The following SRRM4 variants were observed in gnomAD, a reference collection of about 807,000 sequenced individuals.
The protein encoded by SRRM4 is serine/arginine repetitive matrix protein 4.
A neutral mutation model predicts 68.9 loss-of-function variants in SRRM4; 33 were observed. The observed-to-expected ratio is 0.48, with a 90% CI of 0.36 to 0.64. SRRM4 has a LOEUF of 0.64. Among genes scored for constraint, SRRM4 ranks in the 30% least tolerant of loss-of-function variants. SRRM4 has a pLI of 0.00. For missense variants in SRRM4, 817 were observed against 827.1 expected (o/e 0.99, Z 0.15); for synonymous variants, 318 against 318.8 (o/e 1.00, Z 0.03).
chr12:119,067,475 G>A (rs1186033647), intron 1 of SRRM4, among the ~76,000 whole-genome samples: 1 of 152,186 alleles, frequency 6.6e-6, no homozygotes, highest in East Asian at 1.9e-4. Flanking sequence ...GGGAGGCCAA[G>A]GCGGGCAGAT....
intron 1 of SRRM4, among the ~76,000 whole-genome samples, chr12:119,025,019 A>G (rs1484192434): frequency 6.6e-6 from 1 of 152,176 alleles, no homozygotes; most frequent in East Asian, 1.9e-4. Context: ...CACTCAAGTC[A>G]GAAATTGCAG....
intron 5 of SRRM4, among the ~76,000 whole-genome samples, chr12:119,121,623 C>T (rs908555137): frequency 2.6e-5 from 4 of 152,218 alleles, no homozygotes; most frequent in African/African-American, 9.6e-5. Flanking sequence ...CCTAGCTCAC[C>T]TGCGCAATCC....
chr12:118,981,851 G>GC lies in SRRM4; in HGVS notation c.-28dup, dbSNP rs1953249174. On this transcript the variant is annotated 5_prime_UTR_variant, in exon 1 of 13. Coordinates refer to ENST00000267260, the MANE Select transcript of SRRM4 (RefSeq NM_194286.4). The stretch of plus-strand genomic sequence containing the variant: ...TCCACGTTTCAGCACTTTGGACAGC[G>GC]CCCCGGACGCCCCGGCCCCTTTGGG... 8.1e-6 allele frequency: 13 copies of GC among 1,604,770 alleles called. No individual in the cohort carries two copies. The highest frequency in any genetic ancestry group is 1.1e-5 in the Non-Finnish European group (13 of 1,175,432).
chr12:119,107,581 T>C (rs532143240), intron 2 of SRRM4, among the ~76,000 whole-genome samples: 1 of 152,340 alleles, frequency 6.6e-6, no homozygotes, highest in East Asian at 1.9e-4. Context: ...TATCCATTTC[T>C]TCTAGATTTT....
At chr12:119,093,615 G>C (rs980872991) in intron 1 of SRRM4, among the ~76,000 whole-genome samples, 1 of 152,146 alleles carries the variant, frequency 6.6e-6, no homozygotes, top group Non-Finnish European at 1.5e-5. Context: ...GGGGACCCTG[G>C]GCTGGAAGGA....
At chr12:119,116,677 A>G (rs1954181972) in intron 3 of SRRM4, among the ~76,000 whole-genome samples, 1 of 152,216 alleles carries the variant, frequency 6.6e-6, no homozygotes, top group African/African-American at 2.4e-5. Context: ...GAAAGGATTG[A>G]ATGAGATAAT....
chr12:119,160,664 C>T lies in SRRM4; in HGVS notation c.*3866C>T, dbSNP rs1008464218. The T allele has an allele frequency of 1.3e-5, 2 of 152,184 alleles. No homozygotes were observed. Among genetic ancestry groups the T allele is most frequent in the African/African-American group, 2.4e-5 (1 of 41,440 alleles). The allele number at this position is 152,184 out of a possible 1,614,324, so 9.4% of individuals were successfully genotyped here. On this transcript the variant is annotated 3_prime_UTR_variant, in exon 13 of 13. Coordinates refer to ENST00000267260, the MANE Select transcript of SRRM4 (RefSeq NM_194286.4). ...TGCTCCCTTTCCCTAGGGCAAAGTTCGACCTCTGTTAAGTGGAGGGATTTG... is the reference window on the plus strand; with the variant it reads ...TGCTCCCTTTCCCTAGGGCAAAGTTTGACCTCTGTTAAGTGGAGGGATTTG...
chr12:119,150,706 T>C (rs1019031955), intron 9 of SRRM4, among the ~76,000 whole-genome samples: 2 of 152,196 alleles, frequency 1.3e-5, no homozygotes, highest in Admixed American at 6.5e-5. Flanking sequence ...TTTCTCACCA[T>C]GTAATCTGAT....
intron 5 of SRRM4, among the ~76,000 whole-genome samples, chr12:119,121,408 T>G (rs1954218706): frequency 6.6e-6 from 1 of 152,236 alleles, no homozygotes; most frequent in African/African-American, 2.4e-5. Context: ...TTATCCATTG[T>G]ACTCAGACCC....
At chr12:119,065,989 C>A (rs1407661528) in intron 1 of SRRM4, among the ~76,000 whole-genome samples, 1 of 152,152 alleles carries the variant, frequency 6.6e-6, no homozygotes, top group Non-Finnish European at 1.5e-5. Flanking sequence ...AAAAAATAGT[C>A]TTCAATTCCT....
At position 119,094,509 on chromosome 12, in the gene SRRM4, C is replaced by T. The variant is rs534296948; in HGVS notation, c.132-7727C>T. ...TCTTCCTTCCTAGACTCAAGTCTTG[C>T]CTGCCACCCTCCACCTTCACTGTCT... On this transcript the variant is annotated intron_variant, in intron 1 of 12. Coordinates refer to ENST00000267260, the MANE Select transcript of SRRM4 (RefSeq NM_194286.4). 1.9e-3 allele frequency among the ~76,000 whole-genome samples: 285 copies of T among 152,336 alleles called. 4 individuals carry two copies. The South Asian group carries it at 0.026, about 14-fold the overall frequency.
chr12:119,112,608 A>G (rs1954151786), intron 2 of SRRM4, among the ~76,000 whole-genome samples: 1 of 152,250 alleles, frequency 6.6e-6, no homozygotes, highest in African/African-American at 2.4e-5. Context: ...ACCATGGAAT[A>G]CTATGCAGTA....
At chr12:119,068,726 G>C (rs1953860704) in intron 1 of SRRM4, among the ~76,000 whole-genome samples, 1 of 152,014 alleles carries the variant, frequency 6.6e-6, no homozygotes, top group African/African-American at 2.4e-5. Flanking sequence ...CTCGGTGTCA[G>C]AAACAGGTGA....
intron 1 of SRRM4, among the ~76,000 whole-genome samples, chr12:118,987,150 G>C (rs925892237): frequency 6.6e-6 from 1 of 152,166 alleles, no homozygotes; most frequent in African/African-American, 2.4e-5. Context: ...GGACCCGCTA[G>C]TCACTTCACC....
chr12:119,130,593 A>C (rs1351436715), intron 7 of SRRM4, 85 bp from the exon 8 acceptor site: 1 of 1,355,640 alleles, frequency 7.4e-7, no homozygotes, highest in East Asian at 2.4e-5. Context: ...ACACTTTATC[A>C]TCCTCAGATC....
At chr12:119,114,491 C>A (rs995888499) in intron 3 of SRRM4, 127 bp downstream of exon 3, 1 of 696,416 alleles carries the variant, frequency 1.4e-6, no homozygotes, top group African/African-American at 1.8e-5. Flanking sequence ...AGCTGTGTGA[C>A]CTTGGGCAAG....
chr12:118,983,560 T>A lies in SRRM4; in HGVS notation c.131+1547T>A, dbSNP rs78003612. Among the ~76,000 whole-genome samples, 591 of 152,336 alleles carry A rather than the reference T, an allele frequency of 3.9e-3. 2 individuals are homozygous for A. The highest frequency in any genetic ancestry group is 0.013 in the African/African-American group (559 of 41,580). On this transcript the variant is annotated intron_variant, in intron 1 of 12. Transcript: ENST00000267260. ...TTGGAACGTACCTACTGTTGGCTAA[T>A]CAGGTGCTGCACTGGCCAAAGAAAA... is the stretch of plus-strand genomic sequence containing the variant.
intron 8 of SRRM4, among the ~76,000 whole-genome samples, chr12:119,140,692 C>T (rs1345193772): frequency 1.3e-5 from 2 of 152,254 alleles, no homozygotes; most frequent in Non-Finnish European, 2.9e-5. Flanking sequence ...CCCAGCACAG[C>T]TTGTTTCATC....
chr12:119,076,842 A>G (rs780108251), intron 1 of SRRM4, among the ~76,000 whole-genome samples: 1 of 152,212 alleles, frequency 6.6e-6, no homozygotes, highest in Non-Finnish European at 1.5e-5. Context: ...GGGCTCCAGC[A>G]TCAATACTAA....
Sources: allele counts gnomAD v4.1 joint callset (sites outside exome capture counted in the v4.1 genomes callset), GRCh38; gene constraint gnomAD v4.1.1; transcripts MANE v1.5; gene names NCBI Gene and HGNC (gene_info 2026-07-23, HGNC 2026-07-21).